C12orf42: variants seen among roughly 807,000 people sequenced by gnomAD.
The protein encoded by C12orf42 is chromosome 12 open reading frame 42, also known as uncharacterized protein C12orf42.
In C12orf42, 25 loss-of-function variants were observed where a neutral mutation model predicts 21.6. The observed-to-expected ratio is 1.16, with a 90% CI of 0.84 to 1.62. The LOEUF (loss-of-function observed/expected upper bound fraction) is 1.62. Among genes scored for constraint, C12orf42 ranks in the 40% most tolerant of loss-of-function variants. The pLI is 0.00. For synonymous variants in C12orf42, 174 were observed against 175.0 expected (o/e 0.99, Z 0.05); for missense variants, 483 against 459.3 (o/e 1.05, Z -0.47).
chr12:103,191,571 A>ATG, the C12orf42 span, among the ~76,000 whole-genome samples: 1 of 117,866 alleles, frequency 8.5e-6, no homozygotes, highest in African/African-American at 3.1e-5. Context: ...AAAAAAAAAA[A>ATG]AAATACAAAA....
In C12orf42 at chr12:103,401,647, C is replaced by T. The variant is rs117838745; in HGVS notation, c.107G>A (p.Ser36Asn). 26,613 of 1,613,688 alleles carry T rather than the reference C, an allele frequency of 0.016. 315 individuals are homozygous for T. Among genetic ancestry groups the T allele is most frequent in the Non-Finnish European group, 0.02 (23,131 of 1,179,644 alleles). ...GCTTCTATCCCACAGGGTGGCACTG[C>T]TCACAATGGGAATATAGCAAGGGGA... ...QKSPCYIPIV[S>N]SATLWDRSTP... Residue 36 changes from serine (S) to asparagine (N), a missense_variant, in exon 3 of 6, where the codon AGC becomes AAC. Ser to Asn is a conservative substitution (Grantham distance 46). Transcript: ENST00000548883.
intron 4 of C12orf42, among the ~76,000 whole-genome samples, chr12:103,346,334 C>T (rs541501063): frequency 1.3e-5 from 2 of 152,278 alleles, no homozygotes; most frequent in Admixed American, 6.5e-5. Context: ...TGAATAAACA[C>T]ATTAACACTA....
At chr12:103,453,641 G>A (rs1480013594) in intron 2 of C12orf42, among the ~76,000 whole-genome samples, 1 of 151,862 alleles carries the variant, frequency 6.6e-6, no homozygotes, top group African/African-American at 2.4e-5. Flanking sequence ...TATATACGTT[G>A]TAAAGCCTTG....
At chr12:103,294,411 A>AAGAAAG (rs777688141) in intron 4 of C12orf42, among the ~76,000 whole-genome samples, 1 of 139,090 alleles carries the variant, frequency 7.2e-6, no homozygotes, top group Non-Finnish European at 1.5e-5. Flanking sequence ...GAAAGAAAGA[A>AAGAAAG]AGAGAGAAAG....
intron 4 of C12orf42, among the ~76,000 whole-genome samples, chr12:103,334,498 G>A (rs1304666458): frequency 6.6e-6 from 1 of 152,084 alleles, no homozygotes; most frequent in African/African-American, 2.4e-5. Flanking sequence ...CGAAAAGGCA[G>A]TCAAAATTAC....
intron 4 of C12orf42, among the ~76,000 whole-genome samples, chr12:103,295,811 C>G (rs1381130316): frequency 6.6e-6 from 1 of 152,034 alleles, no homozygotes; most frequent in Non-Finnish European, 1.5e-5. Context: ...TAGCAAATTT[C>G]GTCCCCAAGT....
intron 1 of C12orf42, among the ~76,000 whole-genome samples, chr12:103,492,172 G>A (rs916982235): frequency 1.3e-5 from 2 of 152,166 alleles, no homozygotes; most frequent in Admixed American, 1.3e-4. Flanking sequence ...TAGCCAGGCT[G>A]GTCTTGAACT....
intron 4 of C12orf42, among the ~76,000 whole-genome samples, chr12:103,328,376 A>T (rs2040900958): frequency 6.6e-6 from 1 of 152,070 alleles, no homozygotes; most frequent in African/African-American, 2.4e-5. Context: ...GAGGAGGGAG[A>T]TGTTACTTGA....
At chr12:103,264,605 C>T (rs1360643126), downstream of C12orf42, among the ~76,000 whole-genome samples, 2 of 152,172 alleles carry the variant, frequency 1.3e-5, no homozygotes, top group African/African-American at 4.8e-5. Context: ...ATTCCTCCAA[C>T]CTGACATTGC....
intron 1 of C12orf42, among the ~76,000 whole-genome samples, chr12:103,488,040 C>A (rs551311528): frequency 6.6e-6 from 1 of 152,170 alleles, no homozygotes; most frequent in Non-Finnish European, 1.5e-5. Context: ...GATGCAGTTT[C>A]TTCATAGCAC....
At chr12:103,106,449 T>G in the C12orf42 span, among the ~76,000 whole-genome samples, 2 of 152,098 alleles carry the variant, frequency 1.3e-5, no homozygotes, top group Non-Finnish European at 2.9e-5. Flanking sequence ...CTATTTTCTT[T>G]TAAACAGAGT....
At chr12:103,149,048 T>C in the C12orf42 span, among the ~76,000 whole-genome samples, 2 of 152,154 alleles carry the variant, frequency 1.3e-5, no homozygotes, top group African/African-American at 4.8e-5. Flanking sequence ...TTGTAGAGGG[T>C]CAGGTGGCCC....
chr12:103,341,273 G>A (rs1002276822), intron 4 of C12orf42, among the ~76,000 whole-genome samples: 1 of 151,998 alleles, frequency 6.6e-6, no homozygotes, highest in Admixed American at 6.5e-5. Flanking sequence ...GAGGATTGTT[G>A]GTGCCCAGGA....
intron 10 of C12orf42, among the ~76,000 whole-genome samples, chr12:103,239,397 G>GGATGT (rs1462993152): frequency 6.6e-6 from 1 of 152,052 alleles, no homozygotes; most frequent in Non-Finnish European, 1.5e-5. Context: ...TCTTCTCTCT[G>GGATGT]CACCACTCTC....
At chr12:103,125,182 C>G in the C12orf42 span, among the ~76,000 whole-genome samples, 1 of 152,018 alleles carries the variant, frequency 6.6e-6, no homozygotes. Context: ...TTTGAGAAAG[C>G]CTACAGACTG....
chr12:103,417,130 TAA>T (rs756301022), intron 2 of C12orf42, among the ~76,000 whole-genome samples: 4 of 152,262 alleles, frequency 2.6e-5, no homozygotes, highest in Admixed American at 6.5e-5. Flanking sequence ...GAACATAAAC[TAA>T]AAAGAGTAAC....
At chr12:103,385,300 TG>T (rs1223030793) in intron 3 of C12orf42, among the ~76,000 whole-genome samples, 7 of 152,220 alleles carry the variant, frequency 4.6e-5, no homozygotes, top group Non-Finnish European at 8.8e-5. Flanking sequence ...TACCATTGTG[TG>T]GGGTTTTATT....
chr12:103,453,294 G>A (rs376152460), intron 2 of C12orf42, among the ~76,000 whole-genome samples: 64 of 151,458 alleles, frequency 4.2e-4, no homozygotes, highest in Non-Finnish European at 6.3e-4. Context: ...GGTTTTTAAC[G>A]TTATATTATT....
intron 3 of C12orf42, among the ~76,000 whole-genome samples, chr12:103,385,528 T>C (rs961275710): frequency 1.3e-5 from 2 of 151,998 alleles, no homozygotes; most frequent in African/African-American, 2.4e-5. Flanking sequence ...ATTAGTAGCA[T>C]ATGAAAGCTT....
Sources: allele counts gnomAD v4.1 joint callset (sites outside exome capture counted in the v4.1 genomes callset), GRCh38; gene constraint gnomAD v4.1.1; transcripts MANE v1.5; gene names NCBI Gene and HGNC (gene_info 2026-07-23, HGNC 2026-07-21).